PPP1R9A: variants seen among roughly 807,000 people sequenced by gnomAD.
The protein encoded by PPP1R9A is protein phosphatase 1 regulatory subunit 9A, also known as neurabin-1.
PPP1R9A carries 59 observed loss-of-function variants against 141.9 expected under a neutral mutation model. That is an observed-to-expected ratio of 0.42 (90% CI 0.34 to 0.52). The LOEUF is 0.52. Among genes scored for constraint, PPP1R9A ranks in the 20% least tolerant of loss-of-function variants. The pLI is 0.10. For synonymous variants in PPP1R9A, 500 were observed against 569.7 expected (o/e 0.88, Z 1.74); for missense variants, 1,444 against 1,611.9 (o/e 0.90, Z 1.78).
chr7:95,208,626 A>G (rs938163291), intron 7 of PPP1R9A, among the ~76,000 whole-genome samples: 7 of 151,916 alleles, frequency 4.6e-5, no homozygotes, highest in Non-Finnish European at 1.0e-4. Context: ...TGGGAGGCTG[A>G]GGCAGGAGAA....
intron 4 of PPP1R9A, among the ~76,000 whole-genome samples, chr7:95,138,497 G>A (rs899962935): frequency 2.0e-5 from 3 of 152,088 alleles, no homozygotes; most frequent in African/African-American, 7.2e-5. Context: ...CACAAAGTAC[G>A]AACCATGAAA....
intron 2 of PPP1R9A, among the ~76,000 whole-genome samples, chr7:95,002,645 C>T (rs1803098100): frequency 6.6e-6 from 1 of 151,990 alleles, no homozygotes; most frequent in Non-Finnish European, 1.5e-5. Context: ...AATGATTTCG[C>T]AGGAAAGAAA....
At chr7:95,129,378 T>C (rs1427648405) in intron 4 of PPP1R9A, among the ~76,000 whole-genome samples, 2 of 152,332 alleles carry the variant, frequency 1.3e-5, no homozygotes, top group East Asian at 1.9e-4. Flanking sequence ...TCTGCCGCCA[T>C]GTGAGATGTG....
intron 2 of PPP1R9A, among the ~76,000 whole-genome samples, chr7:95,080,915 A>G (rs1235908493): frequency 1.3e-5 from 2 of 152,250 alleles, no homozygotes; most frequent in African/African-American, 4.8e-5. Flanking sequence ...TGACTTGCAC[A>G]TGGAACAAAA....
At chr7:95,070,550 A>T (rs1191347754) in intron 2 of PPP1R9A, among the ~76,000 whole-genome samples, 1 of 143,890 alleles carries the variant, frequency 6.9e-6, no homozygotes, top group Admixed American at 7.1e-5. Context: ...CACTTAAATG[A>T]CTAATACTAA....
At chr7:95,098,804 CT>C (rs1818377530) in intron 2 of PPP1R9A, among the ~76,000 whole-genome samples, 1 of 152,166 alleles carries the variant, frequency 6.6e-6, no homozygotes, top group Non-Finnish European at 1.5e-5. Flanking sequence ...TTAATGTTTG[CT>C]TTTCATGATA....
At chr7:94,967,036 G>C (rs1046359404) in intron 2 of PPP1R9A, among the ~76,000 whole-genome samples, 3 of 152,138 alleles carry the variant, frequency 2.0e-5, no homozygotes, top group African/African-American at 4.8e-5. Flanking sequence ...TCCTGGTTTA[G>C]ACTTGGGAGA....
At chr7:95,055,480 G>A (rs1165713841) in intron 2 of PPP1R9A, among the ~76,000 whole-genome samples, 1 of 152,054 alleles carries the variant, frequency 6.6e-6, no homozygotes, top group Non-Finnish European at 1.5e-5. Context: ...CCCACCCCTA[G>A]TGTCATCACT....
intron 5 of PPP1R9A, among the ~76,000 whole-genome samples, chr7:95,187,575 T>C (rs1294094229): frequency 6.6e-6 from 1 of 152,128 alleles, no homozygotes; most frequent in East Asian, 1.9e-4. Flanking sequence ...CTTTCTCTAG[T>C]TCCTTGAGTT....
chr7:94,911,565 T>C (rs563899924), intron 2 of PPP1R9A, 57 bp downstream of exon 2: 3 of 1,356,520 alleles, frequency 2.2e-6, no homozygotes, highest in Non-Finnish European at 3.0e-6. Context: ...TAGGGCCTAA[T>C]TGTATGTAGA....
intron 2 of PPP1R9A, among the ~76,000 whole-genome samples, chr7:95,031,960 C>T (rs1807751410): frequency 6.6e-6 from 1 of 152,108 alleles, no homozygotes; most frequent in Admixed American, 6.6e-5. Flanking sequence ...TTTCTGTTTC[C>T]TATTATTTCT....
intron 7 of PPP1R9A, among the ~76,000 whole-genome samples, chr7:95,207,057 C>T (rs149559857): frequency 2.1e-4 from 32 of 149,764 alleles, no homozygotes; most frequent in African/African-American, 7.9e-4. Flanking sequence ...TGTTACTTTT[C>T]AGAAGAAAAA....
chr7:95,089,137 A>G (rs1050419095), intron 2 of PPP1R9A, among the ~76,000 whole-genome samples: 2 of 152,050 alleles, frequency 1.3e-5, no homozygotes, highest in Non-Finnish European at 2.9e-5. Flanking sequence ...TCTCATTTCT[A>G]TTTTCTTATA....
chr7:95,178,198 T>C (rs1042567262), intron 5 of PPP1R9A, among the ~76,000 whole-genome samples: 1 of 152,112 alleles, frequency 6.6e-6, no homozygotes, highest in Non-Finnish European at 1.5e-5. Context: ...CTGACCACAG[T>C]GTAATAAAGC....
intron 7 of PPP1R9A, among the ~76,000 whole-genome samples, 185 bp from the exon 8 acceptor site, chr7:95,225,776 C>G (rs1439263614): frequency 6.6e-6 from 1 of 152,158 alleles, no homozygotes; most frequent in African/African-American, 2.4e-5. Context: ...AGGTTTGTCA[C>G]TTTGGATCTT....
chr7:95,050,817 G>C (rs1178473696), intron 2 of PPP1R9A, among the ~76,000 whole-genome samples: 1 of 152,168 alleles, frequency 6.6e-6, no homozygotes, highest in Non-Finnish European at 1.5e-5. Context: ...AATTTTATAA[G>C]TAGGTAAGGA....
intron 2 of PPP1R9A, among the ~76,000 whole-genome samples, chr7:95,021,432 T>C (rs779042682): frequency 2.6e-5 from 4 of 152,082 alleles, no homozygotes; most frequent in Non-Finnish European, 4.4e-5. Context: ...GCCTGTTCAC[T>C]CTGATGATAG....
intron 4 of PPP1R9A, among the ~76,000 whole-genome samples, chr7:95,145,732 C>T (rs954831180): frequency 2.1e-4 from 32 of 152,150 alleles, no homozygotes; most frequent in African/African-American, 7.7e-4. Flanking sequence ...CCCCCACTTA[C>T]GAGAGAGAAC....
At chr7:95,283,115 TG>T (rs1260812851) in intron 16 of PPP1R9A, among the ~76,000 whole-genome samples, 1 of 152,194 alleles carries the variant, frequency 6.6e-6, no homozygotes, top group African/African-American at 2.4e-5. Context: ...TCTTCCAAGA[TG>T]CACATAAACT....
Sources: allele counts gnomAD v4.1 joint callset (sites outside exome capture counted in the v4.1 genomes callset), GRCh38; gene constraint gnomAD v4.1.1; transcripts MANE v1.5; gene names NCBI Gene and HGNC (gene_info 2026-07-23, HGNC 2026-07-21).